GLT1D1: variants seen among roughly 807,000 people sequenced by gnomAD.
The protein encoded by GLT1D1 is glycosyltransferase 1 domain containing 1.
A neutral mutation model predicts 28.7 loss-of-function variants in GLT1D1; 21 were observed. The observed-to-expected ratio is 0.73, with a 90% CI of 0.52 to 1.05. The LOEUF (loss-of-function observed/expected upper bound fraction) is 1.05, where lower values mean the gene tolerates loss of function less well. GLT1D1 is among the 50% of genes least tolerant of loss of function. The probability of loss-of-function intolerance (pLI) is 0.00; values close to 1 mark genes in which losing one functional copy is unlikely to be tolerated. For synonymous variants in GLT1D1, 147 were observed against 124.8 expected, an observed-to-expected ratio of 1.18 and a Z score of -1.19; for missense variants, 343 against 330.6, an observed-to-expected ratio of 1.04 and a Z score of -0.29.
At chr12:128,968,387 C>T (rs1195993333) in intron 7 of GLT1D1, among the ~76,000 whole-genome samples, 1 of 151,518 alleles carries the variant, frequency 6.6e-6, no homozygotes, top group Non-Finnish European at 1.5e-5. Flanking sequence ...ACAAGGACAC[C>T]AGGCTGGGCA....
chr12:128,967,652 G>A (rs529442262), intron 7 of GLT1D1, among the ~76,000 whole-genome samples: 2 of 152,226 alleles, frequency 1.3e-5, no homozygotes, highest in Non-Finnish European at 2.9e-5. Context: ...ATTCCCACCC[G>A]GTGCAGAGCA....
intron 6 of GLT1D1, among the ~76,000 whole-genome samples, chr12:128,953,694 C>T (rs1395254344): frequency 6.6e-6 from 1 of 150,418 alleles, no homozygotes; most frequent in East Asian, 1.9e-4. Context: ...GGCCAGATTC[C>T]AAATTCCTTC....
At chr12:128,856,114 A>G (rs116006192) in intron 1 of GLT1D1, among the ~76,000 whole-genome samples, 14,759 of 151,752 alleles carry the variant, frequency 0.097, 816 homozygotes, top group East Asian at 0.18. Flanking sequence ...GATTATTCAC[A>G]CCTCCCCTTT....
In GLT1D1 at chr12:128,959,421, C is replaced by CGG. The variant is rs1331322937; in HGVS notation, c.639+1780_639+1781dup. ...AGCTTCATGAGGCAGTGGGGGGGGA[C>CGG]GGGTGGGGAGGTGGCAGCGGGGTGG... On this transcript the variant is annotated intron_variant, in intron 7 of 7. Transcript: ENST00000281703. Among the ~76,000 whole-genome samples the CGG allele has an allele frequency of 2.6e-3, 26 of 9,946 alleles. 1 individual carries two copies. The East Asian group carries it at 0.16, about 61-fold the overall frequency. The allele number at this position is 9,946 out of a possible 152,430, so 6.5% of individuals were successfully genotyped here.
intron 4 of GLT1D1, among the ~76,000 whole-genome samples, chr12:128,909,777 A>T (rs1871337785): frequency 1.3e-5 from 2 of 152,250 alleles, no homozygotes; most frequent in South Asian, 4.1e-4. Flanking sequence ...GTATCTATCC[A>T]ATAGGATCCT....
chr12:128,855,256 CA>C (rs1258698287), intron 1 of GLT1D1, among the ~76,000 whole-genome samples: 1 of 131,592 alleles, frequency 7.6e-6, no homozygotes, highest in Non-Finnish European at 1.6e-5. Flanking sequence ...ACAACAACAA[CA>C]AAAAAAACAA....
At chr12:128,855,223 TAA>T (rs771286662) in intron 1 of GLT1D1, among the ~76,000 whole-genome samples, 2 of 81,400 alleles carry the variant, frequency 2.5e-5, no homozygotes, top group South Asian at 1.3e-3. Context: ...AGACTCCATC[TAA>T]AAAAAAAAAA....
intron 1 of GLT1D1, among the ~76,000 whole-genome samples, chr12:128,863,030 A>T (rs1294997830): frequency 6.6e-6 from 1 of 152,190 alleles, no homozygotes; most frequent in Non-Finnish European, 1.5e-5. Flanking sequence ...GGGTTCACTG[A>T]AAACCAGCTG....
At chr12:128,882,908 A>G (rs1957090328) in intron 2 of GLT1D1, among the ~76,000 whole-genome samples, 1 of 150,378 alleles carries the variant, frequency 6.6e-6, no homozygotes, top group African/African-American at 2.4e-5. Flanking sequence ...TTATTTATTT[A>G]TTTATTTATT....
intron 4 of GLT1D1, among the ~76,000 whole-genome samples, chr12:128,943,010 G>A (rs1416853076): frequency 6.6e-6 from 1 of 152,140 alleles, no homozygotes; most frequent in Non-Finnish European, 1.5e-5. Flanking sequence ...GCCTCCCAGA[G>A]TGCTGGGATT....
chr12:128,948,540 CT>C (rs1395219515), intron 6 of GLT1D1, among the ~76,000 whole-genome samples: 1 of 152,156 alleles, frequency 6.6e-6, no homozygotes, highest in East Asian at 1.9e-4. Flanking sequence ...GCCTGTTTTC[CT>C]GTCGAAAGGA....
intron 1 of GLT1D1, among the ~76,000 whole-genome samples, chr12:128,857,716 C>T (rs1024635027): frequency 6.6e-6 from 1 of 152,086 alleles, no homozygotes; most frequent in Non-Finnish European, 1.5e-5. Flanking sequence ...TCCCCAAATA[C>T]GTAAATCTGG....
chr12:128,926,995 G>C, intron 4 of GLT1D1, 110 bp from the exon 8 acceptor site: 1 of 645,404 alleles, frequency 1.5e-6, no homozygotes. Context: ...AAAGCCAAAT[G>C]ATATGAAATA....
chr12:128,865,677 C>T (rs1956495054), intron 1 of GLT1D1, among the ~76,000 whole-genome samples: 1 of 152,070 alleles, frequency 6.6e-6, no homozygotes, highest in Non-Finnish European at 1.5e-5. Context: ...CAAAAATTAG[C>T]CAGGCGTGGT....
intron 5 of GLT1D1, among the ~76,000 whole-genome samples, 159 bp downstream of exon 9, chr12:128,945,528 T>C (rs1875956531): frequency 6.6e-6 from 1 of 152,234 alleles, no homozygotes; most frequent in South Asian, 2.1e-4. Context: ...TCCTAGGCAC[T>C]ATTATTTGCC....
At chr12:128,954,668 G>A (rs747198509) in intron 6 of GLT1D1, among the ~76,000 whole-genome samples, 2 of 152,182 alleles carry the variant, frequency 1.3e-5, no homozygotes, top group Non-Finnish European at 2.9e-5. Flanking sequence ...CATTTAATCT[G>A]GACAAGCACG....
intron 4 of GLT1D1, 61 bp from the exon 5 acceptor site, chr12:128,912,363 A>G: frequency 9.3e-7 from 1 of 1,073,734 alleles, no homozygotes; most frequent in Non-Finnish European, 1.3e-6. Flanking sequence ...TTATTTCTAA[A>G]AAGCAGTTGT....
intron 7 of GLT1D1, among the ~76,000 whole-genome samples, chr12:128,968,387 C>G (rs1195993333): frequency 2.0e-5 from 3 of 151,518 alleles, no homozygotes; most frequent in African/African-American, 7.3e-5. Flanking sequence ...ACAAGGACAC[C>G]AGGCTGGGCA....
At chr12:128,961,332 G>C (rs762118352) in intron 7 of GLT1D1, among the ~76,000 whole-genome samples, 6 of 152,174 alleles carry the variant, frequency 3.9e-5, no homozygotes, top group Non-Finnish European at 7.3e-5. Context: ...GAATCCAAAA[G>C]AAAGGAGGTC....
Sources: allele counts gnomAD v4.1 joint callset (sites outside exome capture counted in the v4.1 genomes callset), GRCh38; gene constraint gnomAD v4.1.1; transcripts MANE v1.5; gene names NCBI Gene and HGNC (gene_info 2026-07-23, HGNC 2026-07-21).